PRPF19: variants seen among roughly 807,000 people sequenced by gnomAD.
PRPF19 encodes the protein pre-mRNA processing factor 19.
In PRPF19, 2 loss-of-function variants were observed where a neutral mutation model predicts 64.2. That is an observed-to-expected ratio of 0.03 (90% CI 0.01 to 0.10). The LOEUF is 0.10. PRPF19 is among the 10% of genes least tolerant of loss of function. The pLI is 1.00. For synonymous variants in PRPF19, 226 were observed against 251.6 expected (o/e 0.90, Z 0.96); for missense variants, 314 against 650.0 (o/e 0.48, Z 5.62).
At chr11:60,899,426 C>G in intron 10 of PRPF19, 122 bp from the exon 11 acceptor site, 1 of 1,104,736 alleles carries the variant, frequency 9.1e-7, no homozygotes, top group Non-Finnish European at 1.3e-6. Flanking sequence ...TCAGCTCTGC[C>G]CTCCCTGGAA....
rs765733128 is a variant in PRPF19 at position 60,902,670 on chromosome 11, C to T, written c.389-14G>A. On this transcript the variant is annotated splice_polypyrimidine_tract_variant and intron_variant, in intron 4 of 15. Coordinates refer to ENST00000227524, the MANE Select transcript of PRPF19 (RefSeq NM_014502.5). The surrounding 1 kb of genome is among the most constrained non-coding windows in gnomAD (Gnocchi z 5.0). ...GGGTAGCCAGAGCTGAGAGAAAAGA[C>T]GATGTTAGAAATGGGATATTACAAT... 8 of 1,614,104 alleles carry T rather than the reference C, an allele frequency of 5.0e-6. No homozygotes were observed. Among genetic ancestry groups the T allele is most frequent in the Middle Eastern group, 1.6e-4 (1 of 6,062 alleles).
chr11:60,896,275 T>C (rs1855919795), intron 15 of PRPF19, among the ~76,000 whole-genome samples: 1 of 152,152 alleles, frequency 6.6e-6, no homozygotes, highest in African/African-American at 2.4e-5. Flanking sequence ...TCAGGAGGTA[T>C]CCGAGAAGAA....
At chr11:60,903,427 G>A (rs1420934366) in intron 3 of PRPF19, 32 bp downstream of exon 3, 4 of 1,586,262 alleles carry the variant, frequency 2.5e-6, no homozygotes, top group Admixed American at 1.7e-5. Context: ...TCTTCAAGTG[G>A]GGAAGATGCT....
chr11:60,898,484 T>C lies in PRPF19; in HGVS notation c.1140+57A>G, dbSNP rs999943148. 1 of 1,612,742 alleles carries C rather than the reference T, an allele frequency of 6.2e-7. No individual in the cohort carries two copies. ...CCACAAGCACCTAATTAGCACTGCA[T>C]TGTCACAAACACTCCCTCTGGCCCT... On this transcript the variant is annotated intron_variant, in intron 13 of 15. Transcript: ENST00000227524. The surrounding 1 kb of genome is among the most constrained non-coding windows in gnomAD (Gnocchi z 4.6).
At chr11:60,900,717 C>A (rs766336538) in intron 9 of PRPF19, 26 bp from the exon 10 acceptor site, 1 of 1,560,820 alleles carries the variant, frequency 6.4e-7, no homozygotes. Flanking sequence ...AAAGACCAAA[C>A]AATGAGTCAG....
At chr11:60,901,610 C>T in intron 6 of PRPF19, 70 bp from the exon 7 acceptor site, 1 of 1,566,364 alleles carries the variant, frequency 6.4e-7, no homozygotes, top group Non-Finnish European at 8.7e-7. Context: ...ATGCTGGTCA[C>T]ACCTGTGCTT....
rs930189969 is a variant in PRPF19, at chr11:60,902,086, C to T, written c.525+317G>A. Among the ~76,000 whole-genome samples the T allele has an allele frequency of 9.9e-5, 15 of 152,122 alleles. No individual in the cohort carries two copies. The highest frequency in any genetic ancestry group is 1.9e-4 in the Non-Finnish European group (13 of 68,022). On this transcript the variant is annotated intron_variant, in intron 6 of 15. Coordinates refer to ENST00000227524, the MANE Select transcript of PRPF19 (RefSeq NM_014502.5). This position sits in a 1 kb window ranked among gnomAD's most constrained non-coding sequence, Gnocchi z 5.0. Reference sequence around the variant, plus strand: ...TACTATCTGCAAAGAATCTCAATAACAATAAGAGCTAAAAGGTGCACTTAT... The same window carrying T: ...TACTATCTGCAAAGAATCTCAATAATAATAAGAGCTAAAAGGTGCACTTAT...
intron 15 of PRPF19, among the ~76,000 whole-genome samples, chr11:60,895,934 GC>G (rs796622511): frequency 7.2e-5 from 11 of 152,082 alleles, no homozygotes; most frequent in African/African-American, 2.7e-4. Flanking sequence ...ATTTCATGGT[GC>G]CCCCCCGCCC....
rs1421049082 is a variant in PRPF19 at position 60,900,651 on chromosome 11, A to G, written c.759T>C (p.Ser253=). Residue 253 remains serine (S), a synonymous_variant, in exon 10 of 16, where the codon TCT becomes TCC. Coordinates refer to ENST00000227524, the MANE Select transcript of PRPF19 (RefSeq NM_014502.5). The part of the protein sequence containing the change: ...DKNVVVFDKS[S]EQILATLKGH... ...CTTTGAGGGTAGCCAGGATTTGTTC[A>G]GAACTTTTGTCAAACACAACGACAT... The G allele has an allele frequency of 6.4e-7, 1 of 1,559,460 alleles. No homozygotes were observed. The highest frequency in any genetic ancestry group is 1.9e-5 in the Admixed American group (1 of 52,044).
chr11:60,906,277 C>T, intron 1 of PRPF19, 87 bp downstream of exon 1: 2 of 1,499,112 alleles, frequency 1.3e-6, no homozygotes, highest in Non-Finnish European at 1.8e-6. Flanking sequence ...GCCTCCACCC[C>T]GGCCCGGGCG....
rs1590602886 is a variant in PRPF19, at chr11:60,891,181, C to T, written c.1500G>A (p.Lys500=). The change falls in exon 16 of 16, where the codon AAG becomes AAA. Residue 500 remains lysine (K), a synonymous_variant. Transcript: ENST00000227524. ...GGGCCAGGGCCTACAGGCTGTAGAA[C>T]TTGAGGCTTCTGTCCATGCCTGTTG... The part of the protein sequence containing the change: ...IASTGMDRSL[K]FYSL The T allele has an allele frequency of 1.3e-6, 2 of 1,576,014 alleles. No homozygotes were observed. The highest frequency in any genetic ancestry group is 2.4e-5 in the East Asian group (1 of 41,822).
At chr11:60,893,926 AATGTT>A (rs1855893198) in intron 15 of PRPF19, among the ~76,000 whole-genome samples, 1 of 152,244 alleles carries the variant, frequency 6.6e-6, no homozygotes. Flanking sequence ...CTCAAAAAAA[AATGTT>A]ATGTTTACAC....
At position 60,900,902 on chromosome 11, in the gene PRPF19, T is replaced by C; in HGVS notation, c.670A>G (p.Ile224Val). Reference sequence around the variant, plus strand: ...GACGGGCAGAGGTCCAGGGCCAGGATCCCAGGAATGCTGGCACTGTGCAAC... The same window carrying C: ...GACGGGCAGAGGTCCAGGGCCAGGACCCCAGGAATGCTGGCACTGTGCAAC... ...VGLHSASIPG[I>V]LALDLCPSDT... The change falls in exon 9 of 16, where the codon ATC becomes GTC. Residue 224 changes from isoleucine (I) to valine (V), a missense_variant. Around this residue, in one of 7 missense-constraint regions of PRPF19, gnomAD observed 175 missense variants for 342.9 expected, o/e 0.51. Coordinates refer to ENST00000227524, the MANE Select transcript of PRPF19 (RefSeq NM_014502.5). 1.9e-6 allele frequency: 3 copies of C among 1,614,050 alleles called. No individual in the cohort carries two copies. The highest frequency in any genetic ancestry group is 2.5e-6 in the Non-Finnish European group (3 of 1,180,024).
At chr11:60,903,882 G>A (rs1246664968) in intron 1 of PRPF19, 21 bp from the exon 2 acceptor site, 14 of 1,605,466 alleles carry the variant, frequency 8.7e-6, no homozygotes, top group Non-Finnish European at 1.2e-5. Context: ...AAGGCTGGTA[G>A]TGAGCTTGGA....
Position 60,898,669 on chromosome 11 carries a change from G to T in PRPF19, c.1055-43C>A, listed in dbSNP as rs781381629. The T allele has an allele frequency of 6.2e-6, 10 of 1,613,062 alleles. No individual in the cohort carries two copies. The highest frequency in any genetic ancestry group is 8.5e-6 in the Non-Finnish European group (10 of 1,179,556). On this transcript the variant is annotated intron_variant, in intron 12 of 15. Coordinates refer to ENST00000227524, the MANE Select transcript of PRPF19 (RefSeq NM_014502.5). The surrounding 1 kb of genome is among the most constrained non-coding windows in gnomAD (Gnocchi z 4.6). ...GAGACCTGTGGTCAGAGCCCACCAG[G>T]GAGAGAGACTAAGAGCAGCAAAGGT...
rs1318768298 is a variant in PRPF19 at position 60,898,183 on chromosome 11, G to A, written c.1229C>T (p.Ala410Val). 5.0e-6 allele frequency: 8 copies of A among 1,614,058 alleles called. No homozygotes were observed. The highest frequency in any genetic ancestry group is 2.7e-5 in the African/African-American group (2 of 74,920). Residue 410 changes from alanine (A) to valine (V), a missense_variant, in exon 14 of 16, where the codon GCG becomes GTG. Physicochemically the swap from Ala to Val is moderately conservative, Grantham distance 64. Around this residue, in one of 7 missense-constraint regions of PRPF19, gnomAD observed 175 missense variants for 342.9 expected, o/e 0.51. Transcript: ENST00000227524. This position sits in a 1 kb window ranked among gnomAD's most constrained non-coding sequence, Gnocchi z 4.6. ...GAGCTTGACAGAGGAGTCATCAGCCGCTGTAGCCAGGTAGTAACCATTCTC... is the reference window on the plus strand; with the variant it reads ...GAGCTTGACAGAGGAGTCATCAGCCACTGTAGCCAGGTAGTAACCATTCTC... ...FSENGYYLAT[A>V]ADDSSVKLWD...
At chr11:60,892,428 A>G (rs1159464048) in intron 15 of PRPF19, among the ~76,000 whole-genome samples, 3 of 152,152 alleles carry the variant, frequency 2.0e-5, no homozygotes, top group African/African-American at 4.8e-5. Context: ...CGTGCCAGAC[A>G]CCGTTCTGAC....
In PRPF19 at chr11:60,894,547, T is replaced by C. The variant is rs897234794; in HGVS notation, c.1418-3284A>G. 5.3e-5 allele frequency among the ~76,000 whole-genome samples: 8 copies of C among 152,318 alleles called. No individual in the cohort carries two copies. The South Asian group carries it at 1.2e-3, about 24-fold the overall frequency. Reference sequence around the variant, plus strand: ...TCCACATCTGCAGTTACTCCCTCCATGGAAGTCCTCAATCCCTCAAAGTCA... The same window carrying C: ...TCCACATCTGCAGTTACTCCCTCCACGGAAGTCCTCAATCCCTCAAAGTCA... On this transcript the variant is annotated intron_variant, in intron 15 of 15. Coordinates refer to ENST00000227524, the MANE Select transcript of PRPF19 (RefSeq NM_014502.5).
chr11:60,898,382 A>G lies in PRPF19; in HGVS notation c.1141-111T>C, dbSNP rs1483809014. ...TCCCTCACGTCCTTCCAGGAAGGAC[A>G]GCCAGCGGGACCCCCCAGACCACAC... On this transcript the variant is annotated intron_variant, in intron 13 of 15. Transcript: ENST00000227524. The surrounding 1 kb of genome is among the most constrained non-coding windows in gnomAD (Gnocchi z 4.6). The G allele has an allele frequency of 2.0e-6, 3 of 1,506,860 alleles. No individual in the cohort carries two copies. In the Admixed American group the frequency reaches 6.2e-5, roughly 31 times the overall value. 93.3% of individuals were successfully genotyped at this position (1,506,860 alleles called of 1,614,324 possible).
Sources: allele counts gnomAD v4.1 joint callset (sites outside exome capture counted in the v4.1 genomes callset), GRCh38; gene constraint gnomAD v4.1.1; regional missense constraint gnomAD v4.1.1; non-coding constraint Gnocchi (gnomAD v3.1); transcripts MANE v1.5; gene names NCBI Gene and HGNC (gene_info 2026-07-23, HGNC 2026-07-21).